Variants in ZNF263 observed in about 807,000 individuals in gnomAD.
The protein encoded by ZNF263 is zinc finger protein FPM315.
ZNF263 carries 49 observed loss-of-function variants against 63.1 expected under a neutral mutation model. The observed-to-expected ratio is 0.78, with a 90% CI of 0.62 to 0.99. The LOEUF is 0.99. Ranked by LOEUF, ZNF263 falls within the 50% of genes least tolerant of loss-of-function variation. The pLI, the probability that ZNF263 is intolerant of heterozygous loss-of-function variation, is 0.00. For missense variants in ZNF263, 872 were observed against 854.8 expected, an observed-to-expected ratio of 1.02 and a Z score of -0.25; for synonymous variants, 352 against 324.2, an observed-to-expected ratio of 1.09 and a Z score of -0.92.
chr16:3,299,177 C>T (rs750024592), intron 2 of ZNF263: 1 of 1,587,760 alleles, frequency 6.3e-7, no homozygotes, highest in Non-Finnish European at 8.5e-7. Flanking sequence ...CTCTCTCTTA[C>T]AGCAGATAAT....
downstream of ZNF263, among the ~76,000 whole-genome samples, chr16:3,292,436 G>A (rs538050066): frequency 7.2e-5 from 11 of 152,306 alleles, no homozygotes; most frequent in South Asian, 2.3e-3. Flanking sequence ...TTGAGGGCAG[G>A]GAAGTGGAGG....
rs749051794 is a variant in ZNF263 at position 3,290,524 on chromosome 16, G to T, written c.2018G>T (p.Arg673Leu). 6.2e-7 allele frequency: 1 copy of T among 1,612,956 alleles called. No individual in the cohort carries two copies. The highest frequency in any genetic ancestry group is 8.5e-7 in the Non-Finnish European group (1 of 1,179,508). ...ECGESFSRSSRLMSHQRTHTG is the reference protein window; with the variant it reads ...ECGESFSRSSLLMSHQRTHTG ...GGAGAAAGCTTCTCTCGGAGTTCCCGTCTTATGAGTCATCAGAGAACTCAC... is the reference window on the plus strand; with the variant it reads ...GGAGAAAGCTTCTCTCGGAGTTCCCTTCTTATGAGTCATCAGAGAACTCAC... Residue 673 changes from arginine (R) to leucine (L), a missense_variant, in exon 6 of 6, where the codon CGT becomes CTT. Coordinates refer to ENST00000219069, the MANE Select transcript of ZNF263 (RefSeq NM_005741.5).
In ZNF263 at chr16:3,283,905, C is replaced by T. The variant is rs748358164; in HGVS notation, c.87C>T (p.Pro29=). ...EEDCAWSQEL[P]PPDPGPSPEA... is the part of the protein sequence containing the mutation. Reference sequence around the variant, plus strand: ...ACTGCGCCTGGAGCCAGGAGCTGCCCCCACCTGACCCAGGACCGAGCCCCG... The same window carrying T: ...ACTGCGCCTGGAGCCAGGAGCTGCCTCCACCTGACCCAGGACCGAGCCCCG... Residue 29 remains proline (P), a synonymous_variant, in exon 1 of 6, where the codon CCC becomes CCT. Coordinates refer to ENST00000219069, the MANE Select transcript of ZNF263 (RefSeq NM_005741.5). 2 of 1,612,244 alleles carry T rather than the reference C, an allele frequency of 1.2e-6. No homozygotes were observed. Among genetic ancestry groups the T allele is most frequent in the East Asian group, 2.2e-5 (1 of 44,788 alleles).
At chr16:3,297,790 T>C (rs1959801614) in intron 1 of ZNF263, among the ~76,000 whole-genome samples, 2 of 151,994 alleles carry the variant, frequency 1.3e-5, no homozygotes, top group South Asian at 4.1e-4. Context: ...AGATAATATA[T>C]GAGAAAGGAA....
intron 2 of ZNF263, chr16:3,300,758 T>C: frequency 1.5e-6 from 2 of 1,368,762 alleles, no homozygotes; most frequent in Non-Finnish European, 9.7e-7. Context: ...GATAATGGAC[T>C]GAAGGGGCTA....
chr16:3,288,466 C>G lies in ZNF263; in HGVS notation c.782C>G (p.Pro261Arg). 2 of 1,611,370 alleles carry G rather than the reference C, an allele frequency of 1.2e-6. No homozygotes were observed. Among genetic ancestry groups the G allele is most frequent in the Non-Finnish European group, 1.7e-6 (2 of 1,178,226 alleles). Residue 261 changes from proline to arginine, a missense_variant, in exon 5 of 6, where the codon CCC becomes CGC. Pro to Arg is a moderately radical substitution (Grantham distance 103). Transcript: ENST00000219069. Reference protein sequence around the residue: ...ENVDSLESHIPSQEVPGTQVG... With the variant: ...ENVDSLESHIRSQEVPGTQVG... ...TCATTGTGAACAGAGTCTCACATTC[C>G]CAGTCAGGAGGTCCCAGGCACCCAG...
chr16:3,290,092 G>A lies in ZNF263; in HGVS notation c.1586G>A (p.Arg529Gln), dbSNP rs767203438. 1.2e-6 allele frequency: 2 copies of A among 1,613,972 alleles called. No homozygotes were observed. The highest frequency in any genetic ancestry group is 1.7e-6 in the Non-Finnish European group (2 of 1,179,984). The part of the protein sequence containing the change: ...KCPECGKSFS[R>Q]SSHLVIHERT... Reference sequence around the variant, plus strand: ...CCCGAGTGTGGGAAAAGTTTCTCTCGGAGTTCACACCTCGTCATTCACGAA... The same window carrying A: ...CCCGAGTGTGGGAAAAGTTTCTCTCAGAGTTCACACCTCGTCATTCACGAA... Residue 529 changes from arginine to glutamine, a missense_variant, in exon 6 of 6, where the codon CGG becomes CAG. Arg to Gln is a conservative substitution (Grantham distance 43, BLOSUM62 1). Coordinates refer to ENST00000219069, the MANE Select transcript of ZNF263 (RefSeq NM_005741.5).
Position 3,283,552 on chromosome 16 carries a change from T to G in ZNF263, c.-267T>G. ...GTCTGAGTCTTGCGTGGGTCCTCTA[T>G]ATAGGGTGAGAAGCGTGGCGCTCGG... On this transcript the variant is annotated 5_prime_UTR_variant, in exon 1 of 6. Coordinates refer to ENST00000219069, the MANE Select transcript of ZNF263 (RefSeq NM_005741.5). The G allele has an allele frequency of 5.3e-5, 14 of 261,912 alleles. No individual in the cohort carries two copies. The highest frequency in any genetic ancestry group is 1.4e-4 in the South Asian group (1 of 7,000). 16.2% of individuals were successfully genotyped at this position (261,912 alleles called of 1,614,324 possible). A position where few individuals can be genotyped will look rare whatever the true frequency, so the allele number is the denominator to read the frequency against.
chr16:3,288,188 G>T (rs1411012112), intron 4 of ZNF263, among the ~76,000 whole-genome samples: 2 of 151,438 alleles, frequency 1.3e-5, no homozygotes, highest in African/African-American at 4.9e-5. Flanking sequence ...GGAGGCAGAG[G>T]TTGCAGTGAG....
intron 4 of ZNF263, chr16:3,286,839 G>A (rs1457906945): frequency 6.6e-6 from 1 of 152,166 alleles, no homozygotes; most frequent in Non-Finnish European, 1.5e-5. Context: ...TTTTCTGTAT[G>A]TATGAGAATT....
At chr16:3,294,189 T>G (rs1959688075), downstream of ZNF263, among the ~76,000 whole-genome samples, 3 of 152,250 alleles carry the variant, frequency 2.0e-5, no homozygotes, top group South Asian at 6.2e-4. Flanking sequence ...CCTCCCAAAG[T>G]GCTGGGATTA....
At chr16:3,300,400 G>T in intron 2 of ZNF263, 4 of 1,614,164 alleles carry the variant, frequency 2.5e-6, no homozygotes, top group Non-Finnish European at 1.7e-6. Flanking sequence ...GGCTCCCGTT[G>T]TCCTCTTTCT....
At chr16:3,299,961 T>G in intron 2 of ZNF263, 2 of 1,613,832 alleles carry the variant, frequency 1.2e-6, no homozygotes, top group Non-Finnish European at 1.7e-6. Flanking sequence ...GAGTTCCGTC[T>G]GCATTTGCAC....
downstream of ZNF263, chr16:3,293,044 G>C (rs1182304695): frequency 6.6e-6 from 1 of 152,228 alleles, no homozygotes; most frequent in Non-Finnish European, 1.5e-5. Flanking sequence ...GTTTGAGAGA[G>C]TAGGTCTGAT....
Position 3,289,496 on chromosome 16 carries a change from G to C in ZNF263, c.990G>C (p.Trp330Cys), listed in dbSNP as rs775338696. 1.9e-6 allele frequency: 3 copies of C among 1,560,730 alleles called. No homozygotes were observed. The highest frequency in any genetic ancestry group is 2.6e-6 in the Non-Finnish European group (3 of 1,154,162). Reference sequence around the variant, plus strand: ...ACCAGGCCCGAGGGGAGGTGCCCTGGAGTCCTGAGCTGGGAAGACCTCATG... The same window carrying C: ...ACCAGGCCCGAGGGGAGGTGCCCTGCAGTCCTGAGCTGGGAAGACCTCATG... Reference protein sequence around the residue: ...LPDQARGEVPWSPELGRPHDR... With the variant: ...LPDQARGEVPCSPELGRPHDR... The change falls in exon 6 of 6, where the codon TGG (tryptophan) becomes TGC (cysteine). Residue 330 changes from tryptophan (W) to cysteine (C), a missense_variant. Transcript: ENST00000219069.
intron 5 of ZNF263, 53 bp from the exon 6 acceptor site, chr16:3,289,340 C>CT (rs1204858602): frequency 6.7e-7 from 1 of 1,483,942 alleles, no homozygotes; most frequent in Non-Finnish European, 8.9e-7. Context: ...GTGGGATTTT[C>CT]TTTTCTCCAG....
intron 1 of ZNF263, among the ~76,000 whole-genome samples, chr16:3,297,061 T>G (rs1596376377): frequency 6.6e-6 from 1 of 152,006 alleles, no homozygotes; most frequent in African/African-American, 2.4e-5. Flanking sequence ...TCGCAGCACT[T>G]TGGGAGGCTG....
downstream of ZNF263, among the ~76,000 whole-genome samples, chr16:3,295,523 C>A (rs1199943107): frequency 6.6e-6 from 1 of 152,260 alleles, no homozygotes; most frequent in African/African-American, 2.4e-5. Context: ...TAAAACTCCC[C>A]CGTCGGCCCT....
downstream of ZNF263, among the ~76,000 whole-genome samples, chr16:3,294,214 C>T (rs1001633526): frequency 3.3e-5 from 5 of 152,192 alleles, no homozygotes; most frequent in African/African-American, 7.2e-5. Flanking sequence ...CGTGAGCCAC[C>T]GCGCCCCGCC....
Sources: gnomAD v4.1 joint callset for allele counts (sites outside exome capture counted in the v4.1 genomes callset) on GRCh38, gnomAD v4.1.1 for gene constraint, MANE v1.5 for transcripts, NCBI Gene and HGNC (gene_info 2026-07-23, HGNC 2026-07-21) for gene names.